STARD6: variants seen among roughly 807,000 people sequenced by gnomAD.
STARD6 encodes the protein stAR-related lipid transfer protein 6.
Under a neutral mutation model 22.3 loss-of-function variants are expected in STARD6, and 21 were observed. The observed-to-expected ratio is 0.94, with a 90% CI of 0.67 to 1.35. The LOEUF (loss-of-function observed/expected upper bound fraction) is 1.35, where lower values mean the gene tolerates loss of function less well. STARD6 is among the 40% of genes most tolerant of loss of function. The pLI is 0.00. For missense variants in STARD6, 269 were observed against 266.9 expected (o/e 1.01, Z -0.05); for synonymous variants, 80 against 88.1 (o/e 0.91, Z 0.52).
chr18:54,334,467 G>A (rs2088892134), intron 5 of STARD6, among the ~76,000 whole-genome samples: 1 of 152,044 alleles, frequency 6.6e-6, no homozygotes. Context: ...GACTCTTGCA[G>A]AATCTGATCC....
chr18:54,332,264 G>A (rs1276067761), intron 5 of STARD6, among the ~76,000 whole-genome samples: 2 of 152,134 alleles, frequency 1.3e-5, no homozygotes, highest in Non-Finnish European at 2.9e-5. Context: ...GTGGTGTAAG[G>A]TCTAACATTA....
intron 4 of STARD6, among the ~76,000 whole-genome samples, chr18:54,353,018 T>A (rs1194364748): frequency 6.6e-6 from 1 of 152,154 alleles, no homozygotes; most frequent in Non-Finnish European, 1.5e-5. Flanking sequence ...ATTATTTCAA[T>A]AAGGTAGGGA....
chr18:54,338,598 A>G (rs2088938434), intron 4 of STARD6, among the ~76,000 whole-genome samples: 1 of 152,118 alleles, frequency 6.6e-6, no homozygotes, highest in African/African-American at 2.4e-5. Context: ...GTCAGTATCC[A>G]GAGTTGCTAC....
chr18:54,344,663 G>C (rs903511794), intron 4 of STARD6, among the ~76,000 whole-genome samples: 1 of 149,336 alleles, frequency 6.7e-6, no homozygotes, highest in East Asian at 2.0e-4. Flanking sequence ...GAAAGTACCA[G>C]CCTACCAAAT....
intron 1 of STARD6, chr18:54,356,914 T>C (rs183157919): frequency 6.6e-6 from 1 of 152,350 alleles, no homozygotes; most frequent in African/African-American, 2.4e-5. Flanking sequence ...ACTGCCACAA[T>C]AGACCTGTGT....
Position 54,329,344 on chromosome 18 carries a change from T to G in STARD6, c.479+3A>C. 1.9e-6 allele frequency: 3 copies of G among 1,576,620 alleles called. No homozygotes were observed. The highest frequency in any genetic ancestry group is 2.6e-6 in the Non-Finnish European group (3 of 1,166,126). ...AAAATAAATAAGTGCAAACAACACT[T>G]ACTCTTCCATTGGTGAACATACAAA... On this transcript the variant is annotated splice_donor_region_variant and intron_variant, in intron 7 of 7. Transcript: ENST00000307844.
intron 4 of STARD6, among the ~76,000 whole-genome samples, chr18:54,344,582 T>TAAA (rs1491455594): frequency 3.4e-5 from 1 of 29,368 alleles, no homozygotes; most frequent in African/African-American, 2.2e-4. Flanking sequence ...AAAAAATAAA[T>TAAA]TAAAAAAAAA....
chr18:54,339,019 G>C (rs2088943706), intron 4 of STARD6, among the ~76,000 whole-genome samples: 1 of 111,238 alleles, frequency 9.0e-6, no homozygotes, highest in South Asian at 3.1e-4. Context: ...CTGCACTCCA[G>C]CCTGGCGACA....
In STARD6 at chr18:54,356,455, A is replaced by G. The variant is rs1205059284; in HGVS notation, c.-88-11T>C. 2 of 152,204 alleles carry G rather than the reference A, an allele frequency of 1.3e-5. No individual in the cohort carries two copies. Among genetic ancestry groups the G allele is most frequent in the African/African-American group, 4.8e-5 (2 of 41,464 alleles). 9.4% of individuals were successfully genotyped at this position (152,204 alleles called of 1,614,324 possible). A position where few individuals can be genotyped will look rare whatever the true frequency, so the allele number is the denominator to read the frequency against. ...TCCATATCTCTTAACCTGTGAGGAA[A>G]CAAGGCAGAAGTAGAATTATTTTGA... On this transcript the variant is annotated splice_polypyrimidine_tract_variant and intron_variant, in intron 1 of 7. Coordinates refer to ENST00000307844, the MANE Select transcript of STARD6 (RefSeq NM_139171.2).
chr18:54,353,649 A>T (rs1235009815), intron 4 of STARD6, among the ~76,000 whole-genome samples: 2 of 152,198 alleles, frequency 1.3e-5, no homozygotes, highest in East Asian at 3.8e-4. Context: ...ACAGAGCAAG[A>T]CCCTGTCTCA....
chr18:54,352,893 T>C (rs1272078526), intron 4 of STARD6, among the ~76,000 whole-genome samples: 3 of 152,348 alleles, frequency 2.0e-5, no homozygotes, highest in Non-Finnish European at 2.9e-5. Context: ...TACACTGGTC[T>C]GATCTGTAAG....
In STARD6 at chr18:54,324,764, G is replaced by A; in HGVS notation, c.591C>T (p.Leu197=). ...TMPSNLVNFI[L]NAKDGIKAHR... ...GTGCCTTTATTCCATCTTTTGCATT[G>A]AGGATGAAGTTTACTAAGTTGGAAG... Residue 197 remains leucine (L), a synonymous_variant, in exon 8 of 8, where the codon CTC becomes CTT. Coordinates refer to ENST00000307844, the MANE Select transcript of STARD6 (RefSeq NM_139171.2). 6.2e-7 allele frequency: 1 copy of A among 1,612,046 alleles called. No homozygotes were observed. Among genetic ancestry groups the A allele is most frequent in the Non-Finnish European group, 8.5e-7 (1 of 1,179,192 alleles).
intron 4 of STARD6, among the ~76,000 whole-genome samples, chr18:54,350,717 C>G (rs1312626745): frequency 2.0e-5 from 3 of 152,098 alleles, no homozygotes; most frequent in African/African-American, 7.2e-5. Flanking sequence ...CCAATTATCC[C>G]AGCACCATTT....
intron 6 of STARD6, among the ~76,000 whole-genome samples, chr18:54,329,926 A>C (rs1434145324): frequency 1.3e-5 from 2 of 151,738 alleles, no homozygotes; most frequent in African/African-American, 4.8e-5. Flanking sequence ...CTGTCAGTAA[A>C]GGTACTTTAA....
chr18:54,337,246 C>G lies in STARD6; in HGVS notation c.146G>C (p.Arg49Pro). 1 of 1,611,230 alleles carries G rather than the reference C, an allele frequency of 6.2e-7. No individual in the cohort carries two copies. Among genetic ancestry groups the G allele is most frequent in the Non-Finnish European group, 8.5e-7 (1 of 1,178,950 alleles). ...TGATTCTGGAATTATCCCTTCAACA[C>G]GATATCTACAGTTAACAAAATAAAG... is the stretch of plus-strand genomic sequence containing the variant. The part of the protein sequence containing the change: ...ASRKFHGNLY[R>P]VEGIIPESPA... The change falls in exon 5 of 8, where the codon CGT becomes CCT. Residue 49 changes from arginine to proline, a missense_variant. Transcript: ENST00000307844.
At chr18:54,349,129 G>C (rs1309426389) in intron 4 of STARD6, among the ~76,000 whole-genome samples, 1 of 151,964 alleles carries the variant, frequency 6.6e-6, no homozygotes, top group African/African-American at 2.4e-5. Context: ...TAATACGTAA[G>C]AAAACAAAGA....
chr18:54,324,603 TATTATTTATGTG>T lies in STARD6; in HGVS notation c.*77_*88del. The T allele has an allele frequency of 7.8e-7, 1 of 1,281,364 alleles. No homozygotes were observed. The highest frequency in any genetic ancestry group is 1.1e-6 in the Non-Finnish European group (1 of 906,266). The allele number at this position is 1,281,364 out of a possible 1,614,324, so 79.4% of individuals were successfully genotyped here. A position where few individuals can be genotyped will look rare whatever the true frequency, so the allele number is the denominator to read the frequency against. ...AATACTGTCTAGAATAGTTTAACAG[TATTATTTATGTG>T]CGTTGACTTAGAAGTAAACAGCAAT... On this transcript the variant is annotated 3_prime_UTR_variant, in exon 8 of 8. Transcript: ENST00000307844.
chr18:54,343,290 A>G (rs2088995231), intron 4 of STARD6, among the ~76,000 whole-genome samples: 1 of 114,518 alleles, frequency 8.7e-6, no homozygotes, highest in Admixed American at 8.1e-5. Context: ...AGAAGTGAGG[A>G]GCCTCTCCGC....
At chr18:54,331,911 T>C in intron 5 of STARD6, 52 bp from the exon 6 acceptor site, 1 of 1,294,784 alleles carries the variant, frequency 7.7e-7, no homozygotes, top group South Asian at 1.4e-5. Flanking sequence ...TATCTATTCT[T>C]TGTATTGTTT....
Sources: gnomAD v4.1 joint callset for allele counts (sites outside exome capture counted in the v4.1 genomes callset) on GRCh38, gnomAD v4.1.1 for gene constraint, MANE v1.5 for transcripts, NCBI Gene and HGNC (gene_info 2026-07-23, HGNC 2026-07-21) for gene names.